COP1: variants seen among roughly 807,000 people sequenced by gnomAD.
The protein encoded by COP1 is COP1 E3 ubiquitin ligase, also known as E3 ubiquitin-protein ligase COP1.
Under a neutral mutation model 101.3 loss-of-function variants are expected in COP1, and 24 were observed. That is an observed-to-expected ratio of 0.24 (90% confidence interval 0.17 to 0.33). COP1 has a LOEUF of 0.33. Ranked by LOEUF, COP1 falls within the 10% of genes least tolerant of loss-of-function variation. The pLI, the probability that COP1 is intolerant of heterozygous loss-of-function variation, is 1.00. For synonymous variants in COP1, 347 were observed against 341.9 expected (o/e 1.01, Z -0.17); for missense variants, 663 against 906.2 (o/e 0.73, Z 3.45).
intron 18 of COP1, among the ~76,000 whole-genome samples, chr1:175,952,282 C>T (rs896027230): frequency 4.6e-5 from 7 of 151,876 alleles, no homozygotes; most frequent in Non-Finnish European, 1.0e-4. Context: ...ATTAGCTGGG[C>T]GTGGTGGCAG....
chr1:176,035,324 C>A (rs1571829614), intron 14 of COP1, among the ~76,000 whole-genome samples: 1 of 149,778 alleles, frequency 6.7e-6, no homozygotes. Context: ...GAATCATGAG[C>A]TAGAAGACAG....
intron 12 of COP1, among the ~76,000 whole-genome samples, chr1:176,044,908 T>C (rs1407836664): frequency 6.6e-6 from 1 of 152,202 alleles, no homozygotes; most frequent in African/African-American, 2.4e-5. Context: ...GTTTTCATTA[T>C]GTAATATATT....
At chr1:176,108,157 C>A (rs1318969695) in intron 9 of COP1, among the ~76,000 whole-genome samples, 1 of 151,772 alleles carries the variant, frequency 6.6e-6, no homozygotes, top group African/African-American at 2.4e-5. Context: ...GCTAATTGTA[C>A]TATGGTTATA....
intron 15 of COP1, among the ~76,000 whole-genome samples, chr1:176,017,815 G>T: frequency 6.6e-6 from 1 of 152,042 alleles, no homozygotes; most frequent in Non-Finnish European, 1.5e-5. Flanking sequence ...GTGAGCCACT[G>T]TGCCCAGACT....
chr1:176,070,984 T>C (rs955804889), intron 11 of COP1, among the ~76,000 whole-genome samples: 2 of 152,180 alleles, frequency 1.3e-5, no homozygotes, highest in Admixed American at 1.3e-4. Context: ...TTCTCCATAC[T>C]GTACACTGTA....
chr1:176,165,422 T>C (rs1305676449), intron 3 of COP1, among the ~76,000 whole-genome samples: 7 of 145,284 alleles, frequency 4.8e-5, no homozygotes, highest in African/African-American at 1.8e-4. Flanking sequence ...GATACAACGA[T>C]TTAAAATCAA....
At position 176,206,913 on chromosome 1, in the gene COP1, G is replaced by T; in HGVS notation, c.66C>A (p.Ser22=). 5 of 1,464,814 alleles carry T rather than the reference G, an allele frequency of 3.4e-6. No homozygotes were observed. Among genetic ancestry groups the T allele is most frequent in the Non-Finnish European group, 4.5e-6 (5 of 1,113,796 alleles). 90.7% of individuals were successfully genotyped at this position (1,464,814 alleles called of 1,614,324 possible). A position where few individuals can be genotyped will look rare whatever the true frequency, so the allele number is the denominator to read the frequency against. ...AGTSPGSSAA[S]SVTSASSSLS... is the part of the protein sequence containing the mutation. Reference sequence around the variant, plus strand: ...AAGACGAGGAGGCGGAAGTCACCGAGGAGGCCGCCGAGGACCCGGGGCTTG... The same window carrying T: ...AAGACGAGGAGGCGGAAGTCACCGATGAGGCCGCCGAGGACCCGGGGCTTG... Residue 22 remains serine, a synonymous_variant, in exon 1 of 20, where the codon TCC becomes TCA. Coordinates refer to ENST00000367669, the MANE Select transcript of COP1 (RefSeq NM_022457.7).
At chr1:176,151,326 A>AAG (rs1558211102) in intron 5 of COP1, among the ~76,000 whole-genome samples, 1 of 140,732 alleles carries the variant, frequency 7.1e-6, no homozygotes, top group African/African-American at 2.9e-5. Context: ...AAAGAAGGAA[A>AAG]GAAAGAAAGA....
chr1:176,174,978 G>A (rs935084324), intron 3 of COP1, among the ~76,000 whole-genome samples: 3 of 151,962 alleles, frequency 2.0e-5, no homozygotes, highest in African/African-American at 4.8e-5. Flanking sequence ...TATTATTTCC[G>A]ATCATTTATC....
chr1:176,199,731 C>T (rs917859059), intron 1 of COP1, among the ~76,000 whole-genome samples: 3 of 152,122 alleles, frequency 2.0e-5, no homozygotes, highest in African/African-American at 2.4e-5. Flanking sequence ...AAAATGACAG[C>T]AATGCAAAGC....
intron 15 of COP1, among the ~76,000 whole-genome samples, chr1:176,010,319 T>C (rs954879231): frequency 5.3e-5 from 8 of 152,278 alleles, no homozygotes; most frequent in Middle Eastern, 3.4e-3. Context: ...AAAATTAATA[T>C]TGATATAATA....
In COP1 at chr1:176,007,853, C is replaced by G. The variant is rs372150925; in HGVS notation, c.1730-18374G>C. Among the ~76,000 whole-genome samples, 48 of 152,350 alleles carry G rather than the reference C, an allele frequency of 3.2e-4. No individual in the cohort carries two copies. In the East Asian group the frequency reaches 4.1e-3, roughly 13 times the overall value. ...CCTACAGAGGCAGGCAGGCCTCCTT[C>G]AGCTGTGGTGGGCTCCACCCAGTTC... On this transcript the variant is annotated intron_variant, in intron 15 of 19. Coordinates refer to ENST00000367669, the MANE Select transcript of COP1 (RefSeq NM_022457.7).
chr1:175,981,503 C>A (rs575102771), intron 18 of COP1, among the ~76,000 whole-genome samples: 1 of 152,224 alleles, frequency 6.6e-6, no homozygotes, highest in Admixed American at 6.5e-5. Flanking sequence ...GTATCTCACA[C>A]CATATACAAC....
At chr1:176,004,431 GTTT>G (rs1304238610) in intron 15 of COP1, among the ~76,000 whole-genome samples, 1 of 122,764 alleles carries the variant, frequency 8.1e-6, no homozygotes, top group Non-Finnish European at 1.8e-5. Flanking sequence ...TCTTGTGCCA[GTTT>G]TCAAAGGGAA....
In COP1 at chr1:175,989,347, G is replaced by T. The variant is rs765032631; in HGVS notation, c.1847+15C>A. ...CTCTGTATTAAGCTCAACCTCTGAGGAGAGTAATACTCACGCAGAGACAAT... is the reference window on the plus strand; with the variant it reads ...CTCTGTATTAAGCTCAACCTCTGAGTAGAGTAATACTCACGCAGAGACAAT... On this transcript the variant is annotated intron_variant, in intron 16 of 19. Coordinates refer to ENST00000367669, the MANE Select transcript of COP1 (RefSeq NM_022457.7). 7.6e-7 allele frequency: 1 copy of T among 1,307,382 alleles called. No homozygotes were observed. The highest frequency in any genetic ancestry group is 1.1e-6 in the Non-Finnish European group (1 of 900,384). The allele number at this position is 1,307,382 out of a possible 1,614,324, so 81.0% of individuals were successfully genotyped here. A position where few individuals can be genotyped will look rare whatever the true frequency, so the allele number is the denominator to read the frequency against.
intron 9 of COP1, among the ~76,000 whole-genome samples, chr1:176,101,835 C>G (rs966858940): frequency 1.3e-5 from 2 of 152,204 alleles, no homozygotes; most frequent in Non-Finnish European, 2.9e-5. Context: ...AGACAGGCCT[C>G]TCAGGGAGAT....
intron 6 of COP1, among the ~76,000 whole-genome samples, chr1:176,142,612 G>T (rs1690877629): frequency 6.6e-6 from 1 of 151,744 alleles, no homozygotes; most frequent in African/African-American, 2.4e-5. Context: ...TCAAGCACAA[G>T]TATTTCAAAA....
chr1:175,961,125 C>A (rs947396131), intron 18 of COP1, among the ~76,000 whole-genome samples: 1 of 152,202 alleles, frequency 6.6e-6, no homozygotes, highest in Non-Finnish European at 1.5e-5. Context: ...AATTCTCAGG[C>A]CTTTAGCCTA....
At chr1:176,001,832 C>T (rs1194061165) in intron 15 of COP1, among the ~76,000 whole-genome samples, 1 of 152,014 alleles carries the variant, frequency 6.6e-6, no homozygotes, top group African/African-American at 2.4e-5. Context: ...CTTAATTCCC[C>T]CTTCATTTTT....
Sources: gnomAD v4.1 joint callset for allele counts (sites outside exome capture counted in the v4.1 genomes callset) on GRCh38, gnomAD v4.1.1 for gene constraint, MANE v1.5 for transcripts, NCBI Gene and HGNC (gene_info 2026-07-23, HGNC 2026-07-21) for gene names.